IL7: variants seen among roughly 807,000 people sequenced by gnomAD.
IL7 encodes the protein interleukin-7.
IL7 carries 3 observed loss-of-function variants against 21.6 expected under a neutral mutation model. The observed-to-expected ratio is 0.14, with a 90% CI of 0.06 to 0.36. The LOEUF is 0.36. Among genes scored for constraint, IL7 ranks in the 10% least tolerant of loss-of-function variants. The pLI, the probability that IL7 is intolerant of heterozygous loss-of-function variation, is 1.00. For synonymous variants in IL7, 62 were observed against 68.1 expected (o/e 0.91, Z 0.44); for missense variants, 175 against 200.2 (o/e 0.87, Z 0.76).
chr8:78,693,929 C>A (rs909912149), intron 3 of IL7, among the ~76,000 whole-genome samples: 2 of 152,136 alleles, frequency 1.3e-5, no homozygotes, highest in African/African-American at 4.8e-5. Flanking sequence ...AGGAAGGGAT[C>A]CAGTTTCAGC....
intron 2 of IL7, among the ~76,000 whole-genome samples, chr8:78,740,499 A>G (rs1306139678): frequency 6.6e-6 from 1 of 152,224 alleles, no homozygotes; most frequent in Non-Finnish European, 1.5e-5. Context: ...TTTATATTAG[A>G]ATGAAGGGAT....
chr8:78,686,602 G>T, intron 3 of IL7: 1 of 1,497,218 alleles, frequency 6.7e-7, no homozygotes, highest in African/African-American at 1.4e-5. Flanking sequence ...ACCTTCTTAT[G>T]ATCCTGGTAT....
intron 3 of IL7, among the ~76,000 whole-genome samples, chr8:78,705,867 C>G (rs1810757000): frequency 6.6e-6 from 1 of 152,102 alleles, no homozygotes; most frequent in Middle Eastern, 3.4e-3. Context: ...GCCACACTTT[C>G]CTAGAGCAGC....
At chr8:78,683,157 G>A (rs751965348) in intron 4 of IL7, among the ~76,000 whole-genome samples, 37 of 151,802 alleles carry the variant, frequency 2.4e-4, no homozygotes, top group African/African-American at 7.2e-4. Flanking sequence ...GCAACCTGTC[G>A]GTGGATCTAC....
chr8:78,764,824 A>G (rs1317354120), intron 2 of IL7, among the ~76,000 whole-genome samples: 1 of 152,104 alleles, frequency 6.6e-6, no homozygotes, highest in Non-Finnish European at 1.5e-5. Context: ...GAAATTGACA[A>G]ATTGGTTCTA....
At chr8:78,741,775 GACC>G (rs1811790567) in intron 2 of IL7, among the ~76,000 whole-genome samples, 1 of 152,044 alleles carries the variant, frequency 6.6e-6, no homozygotes, top group Admixed American at 6.6e-5. Flanking sequence ...TTAATTCATC[GACC>G]TTAGTACATT....
At chr8:78,683,111 G>A (rs890920161) in intron 4 of IL7, among the ~76,000 whole-genome samples, 13 of 152,182 alleles carry the variant, frequency 8.5e-5, no homozygotes, top group African/African-American at 2.9e-4. Flanking sequence ...TTCTTGGGCT[G>A]GCATTGAGTG....
chr8:78,701,587 A>T (rs1194790298), intron 3 of IL7, among the ~76,000 whole-genome samples: 1 of 152,194 alleles, frequency 6.6e-6, no homozygotes, highest in Non-Finnish European at 1.5e-5. Flanking sequence ...TTCAAGGGGA[A>T]TGCTTCCAGC....
intron 3 of IL7, among the ~76,000 whole-genome samples, chr8:78,709,045 T>C (rs1170502665): frequency 6.6e-6 from 1 of 152,218 alleles, no homozygotes; most frequent in Non-Finnish European, 1.5e-5. Context: ...TTTCCCCATT[T>C]GAATTGTTCC....
chr8:78,799,200 T>C (rs1025504310), intron 1 of IL7, among the ~76,000 whole-genome samples: 2 of 152,156 alleles, frequency 1.3e-5, no homozygotes, highest in Admixed American at 6.5e-5. Flanking sequence ...ATGCAAGATA[T>C]TTCACTTGTG....
At chr8:78,698,493 G>A in intron 3 of IL7, 2 of 1,611,178 alleles carry the variant, frequency 1.2e-6, no homozygotes, top group Non-Finnish European at 1.7e-6. Context: ...CTCATAAAGG[G>A]ATAGCAGCCC....
chr8:78,716,996 C>T (rs1000264177), downstream of IL7, among the ~76,000 whole-genome samples: 18 of 151,724 alleles, frequency 1.2e-4, no homozygotes, highest in African/African-American at 3.9e-4. Flanking sequence ...TTCTGTACAG[C>T]CTGCAGAACT....
At chr8:78,678,556 T>G (rs1408871819) in intron 4 of IL7, 1 of 1,601,692 alleles carries the variant, frequency 6.2e-7, no homozygotes, top group Non-Finnish European at 8.5e-7. Flanking sequence ...TTTCTTTATC[T>G]TAACAGAAAA....
At chr8:78,703,184 A>C (rs891275337) in intron 3 of IL7, among the ~76,000 whole-genome samples, 19 of 152,288 alleles carry the variant, frequency 1.2e-4, no homozygotes, top group Admixed American at 6.5e-5. Flanking sequence ...GGCATGAGCC[A>C]CCGCGCCTGG....
intron 2 of IL7, among the ~76,000 whole-genome samples, chr8:78,779,539 T>A (rs1399762641): frequency 6.6e-6 from 1 of 152,194 alleles, no homozygotes; most frequent in African/African-American, 2.4e-5. Flanking sequence ...TGAATTACAT[T>A]TATTGATTTT....
downstream of IL7, among the ~76,000 whole-genome samples, chr8:78,714,292 A>G (rs1335536114): frequency 6.6e-6 from 1 of 152,128 alleles, no homozygotes. Flanking sequence ...TACCTATTTC[A>G]TAGGATTATT....
intron 3 of IL7, among the ~76,000 whole-genome samples, chr8:78,703,290 A>G (rs566408446): frequency 5.3e-5 from 8 of 152,290 alleles, no homozygotes; most frequent in South Asian, 4.1e-4. Flanking sequence ...TATCAGGTCC[A>G]TTTGATCCAG....
chr8:78,758,342 T>C (rs921372675), intron 2 of IL7, among the ~76,000 whole-genome samples: 20 of 152,138 alleles, frequency 1.3e-4, no homozygotes, highest in African/African-American at 4.3e-4. Flanking sequence ...ATCCTTTGTT[T>C]CTCTTTCCTC....
At chr8:78,727,133 T>A (rs1037085252) in intron 3 of IL7, among the ~76,000 whole-genome samples, 2 of 152,036 alleles carry the variant, frequency 1.3e-5, no homozygotes, top group African/African-American at 4.8e-5. Context: ...TCTTCTTCAC[T>A]GTGGTGTATC....
Sources: gnomAD v4.1 joint callset for allele counts (sites outside exome capture counted in the v4.1 genomes callset) on GRCh38, gnomAD v4.1.1 for gene constraint, MANE v1.5 for transcripts, NCBI Gene and HGNC (gene_info 2026-07-23, HGNC 2026-07-21) for gene names.